The following IL17RD variants were observed in gnomAD, a reference collection of about 807,000 sequenced individuals.
IL17RD encodes interleukin-17 receptor D.
A neutral mutation model predicts 80.5 loss-of-function variants in IL17RD; 52 were observed. That is an observed-to-expected ratio of 0.65 (90% confidence interval 0.52 to 0.81). The LOEUF is 0.81. IL17RD is among the 40% of genes least tolerant of loss of function. IL17RD has a pLI of 0.00. For missense variants in IL17RD, 1,024 were observed against 955.1 expected (o/e 1.07, Z -0.95); for synonymous variants, 416 against 391.8 (o/e 1.06, Z -0.73).
intron 1 of IL17RD, among the ~76,000 whole-genome samples, chr3:57,127,285 AATAT>A (rs1204555740): frequency 0.029 from 2,540 of 87,610 alleles, 313 homozygotes; most frequent in East Asian, 0.1. Flanking sequence ...AATATATATA[AATAT>A]ATATAAATAT....
At chr3:57,127,305 A>AATCTAT (rs1707497980) in intron 1 of IL17RD, among the ~76,000 whole-genome samples, 1 of 68,622 alleles carries the variant, frequency 1.5e-5, no homozygotes, top group African/African-American at 9.1e-5. Flanking sequence ...AATATATATA[A>AATCTAT]AAATATATAA....
At chr3:57,150,719 C>T (rs1009748695) in intron 1 of IL17RD, among the ~76,000 whole-genome samples, 4 of 152,150 alleles carry the variant, frequency 2.6e-5, no homozygotes, top group Non-Finnish European at 5.9e-5. Flanking sequence ...AAATTGCAGA[C>T]TTTTTGAAAA....
At chr3:57,164,802 G>T in intron 1 of IL17RD, 2 of 777,004 alleles carry the variant, frequency 2.6e-6, no homozygotes, top group Non-Finnish European at 3.3e-6. Flanking sequence ...GGGGATCCCA[G>T]CCCGGGACAC....
At chr3:57,138,767 C>A (rs533173296) in intron 1 of IL17RD, among the ~76,000 whole-genome samples, 1 of 151,740 alleles carries the variant, frequency 6.6e-6, no homozygotes, top group Non-Finnish European at 1.5e-5. Flanking sequence ...GAAACCCCAT[C>A]TCTACTAAAA....
intron 1 of IL17RD, among the ~76,000 whole-genome samples, chr3:57,155,352 G>T (rs2060260295): frequency 6.6e-6 from 1 of 152,180 alleles, no homozygotes; most frequent in African/African-American, 2.4e-5. Flanking sequence ...AAAGTAGACA[G>T]TCCAAGCAAC....
rs915329472 is a variant in IL17RD at position 57,091,853 on chromosome 3, C to T, written c.*4540G>A. On this transcript the variant is annotated 3_prime_UTR_variant, in exon 13 of 13. Transcript: ENST00000296318. The stretch of plus-strand genomic sequence containing the variant: ...TGTCTGGAATAATTCAGGCACAGCC[C>T]TGTCTGACACCAGGGGGAGAATATG... 1 of 152,172 alleles carries T rather than the reference C, an allele frequency of 6.6e-6. No homozygotes were observed. Among genetic ancestry groups the T allele is most frequent in the African/African-American group, 2.4e-5 (1 of 41,438 alleles). The allele number at this position is 152,172 out of a possible 1,614,324, so 9.4% of individuals were successfully genotyped here. A position where few individuals can be genotyped will look rare whatever the true frequency, so the allele number is the denominator to read the frequency against.
In IL17RD at chr3:57,164,120, G is replaced by A. The variant is rs115154089; in HGVS notation, c.126+1041C>T. Among the ~76,000 whole-genome samples, 244 of 152,310 alleles carry A rather than the reference G, an allele frequency of 1.6e-3. 1 individual carries two copies. Among genetic ancestry groups the A allele is most frequent in the African/African-American group, 5.5e-3 (230 of 41,570 alleles). On this transcript the variant is annotated intron_variant, in intron 1 of 12. Transcript: ENST00000296318. ...TCTCATTTCATCCCATTTTTCATAT[G>A]AAGAAATTGAGGCTCATGGCTCCCC...
chr3:57,164,988 A>G, intron 1 of IL17RD, 173 bp downstream of exon 1: 1 of 1,330,066 alleles, frequency 7.5e-7, no homozygotes, highest in Non-Finnish European at 9.6e-7. Context: ...GCCGGAGGAC[A>G]CGCGTCCGGG....
chr3:57,098,687 C>G, intron 11 of IL17RD, 149 bp from the exon 12 acceptor site: 1 of 630,804 alleles, frequency 1.6e-6, no homozygotes, highest in Non-Finnish European at 2.8e-6. Context: ...CCAGGTTACA[C>G]CATACCAAGG....
At chr3:57,142,580 C>T (rs1054790966) in intron 1 of IL17RD, 13 of 1,098,504 alleles carry the variant, frequency 1.2e-5, no homozygotes, top group East Asian at 6.0e-5. Flanking sequence ...CCTGGCTGAC[C>T]GCTGTGTTGG....
chr3:57,096,242 G>A lies in IL17RD; in HGVS notation c.*151C>T. 1.6e-6 allele frequency: 1 copy of A among 643,596 alleles called. No homozygotes were observed. Among genetic ancestry groups the A allele is most frequent in the Non-Finnish European group, 2.9e-6 (1 of 349,646 alleles). 39.9% of individuals were successfully genotyped at this position (643,596 alleles called of 1,614,324 possible). The stretch of plus-strand genomic sequence containing the variant: ...GTCAAGATATCCGGTAAAGGGTTGG[G>A]GCAAGGGAGAACAAGTACTGGCCAG... On this transcript the variant is annotated 3_prime_UTR_variant, in exon 13 of 13. Transcript: ENST00000296318.
Position 57,142,599 on chromosome 3 carries a change from A to T in IL17RD, c.127-22286T>A. 5 of 759,432 alleles carry T rather than the reference A, an allele frequency of 6.6e-6. No individual in the cohort carries two copies. The South Asian group carries it at 7.7e-5, about 12-fold the overall frequency. The allele number at this position is 759,432 out of a possible 1,614,324, so 47.0% of individuals were successfully genotyped here. The stretch of plus-strand genomic sequence containing the variant: ...GCTGACCGCTGTGTTGGTGTCGCCA[A>T]CCTGAGCCTCAGGAACTTCTCTAAC... On this transcript the variant is annotated intron_variant, in intron 1 of 12. Coordinates refer to ENST00000296318, the MANE Select transcript of IL17RD (RefSeq NM_017563.5).
At chr3:57,139,828 T>C (rs1206058081) in intron 1 of IL17RD, among the ~76,000 whole-genome samples, 1 of 152,172 alleles carries the variant, frequency 6.6e-6, no homozygotes, top group African/African-American at 2.4e-5. Flanking sequence ...AAAACCTTTT[T>C]GATTACACAA....
rs577446345 is a variant in IL17RD at position 57,165,283 on chromosome 3, C to A, written c.4G>T (p.Ala2Ser). The A allele has an allele frequency of 1.4e-6, 2 of 1,476,250 alleles. No homozygotes were observed. Among genetic ancestry groups the A allele is most frequent in the African/African-American group, 1.5e-5 (1 of 68,128 alleles). The allele number at this position is 1,476,250 out of a possible 1,614,324, so 91.4% of individuals were successfully genotyped here. ...ACGGAGCAGAGCTGCAGCCACGGGGCCATGGCCGTGCGCTCGCCCAGCCAG... is the reference window on the plus strand; with the variant it reads ...ACGGAGCAGAGCTGCAGCCACGGGGACATGGCCGTGCGCTCGCCCAGCCAG... M[A>S]PWLQLCSVFF... Residue 2 changes from alanine (A) to serine (S), a missense_variant, in exon 1 of 13, where the codon GCC becomes TCC. Ala to Ser is a moderately conservative substitution (Grantham distance 99). Coordinates refer to ENST00000296318, the MANE Select transcript of IL17RD (RefSeq NM_017563.5).
chr3:57,123,838 G>GT (rs1707391251), intron 1 of IL17RD, among the ~76,000 whole-genome samples: 1 of 152,162 alleles, frequency 6.6e-6, no homozygotes, highest in South Asian at 2.1e-4. Context: ...GAAGTCAGGA[G>GT]TTTGAGACCA....
At chr3:57,132,716 A>G (rs1464465639) in intron 1 of IL17RD, among the ~76,000 whole-genome samples, 1 of 152,238 alleles carries the variant, frequency 6.6e-6, no homozygotes, top group Non-Finnish European at 1.5e-5. Context: ...AGAGGTATCT[A>G]GCACCTTTCG....
In IL17RD at chr3:57,092,200, A is replaced by G. The variant is rs1706571297; in HGVS notation, c.*4193T>C. 6.6e-6 allele frequency: 1 copy of G among 152,668 alleles called. No homozygotes were observed. Among genetic ancestry groups the G allele is most frequent in the African/African-American group, 2.4e-5 (1 of 41,462 alleles). 9.5% of individuals were successfully genotyped at this position (152,668 alleles called of 1,614,324 possible). A position where few individuals can be genotyped will look rare whatever the true frequency, so the allele number is the denominator to read the frequency against. On this transcript the variant is annotated 3_prime_UTR_variant, in exon 13 of 13. Coordinates refer to ENST00000296318, the MANE Select transcript of IL17RD (RefSeq NM_017563.5). ...TCTACAACTGCCTGCTTTCCTAATCATGTCTTGGCCTATGCTCAGAATTGC... is the reference window on the plus strand; with the variant it reads ...TCTACAACTGCCTGCTTTCCTAATCGTGTCTTGGCCTATGCTCAGAATTGC...
chr3:57,114,490 A>G (rs1180056345), intron 3 of IL17RD, among the ~76,000 whole-genome samples: 1 of 152,220 alleles, frequency 6.6e-6, no homozygotes, highest in Non-Finnish European at 1.5e-5. Context: ...TAACAGTAGA[A>G]GAAACAAAAG....
intron 1 of IL17RD, among the ~76,000 whole-genome samples, chr3:57,125,148 TGTAATCCCAGCACTTTGG>T (rs1707431945): frequency 6.6e-6 from 1 of 152,224 alleles, no homozygotes; most frequent in African/African-American, 2.4e-5. Flanking sequence ...GGCTCACACC[TGTAATCCCAGCACTTTGG>T]GAGGCCAAGG....
Sources: allele counts gnomAD v4.1 joint callset (sites outside exome capture counted in the v4.1 genomes callset), GRCh38; gene constraint gnomAD v4.1.1; transcripts MANE v1.5; gene names NCBI Gene and HGNC (gene_info 2026-07-23, HGNC 2026-07-21).